Variants in PRDM6 observed in about 807,000 individuals in gnomAD.
PRDM6 encodes the protein PR/SET domain 6.
In PRDM6, 25 loss-of-function variants were observed where a neutral mutation model predicts 60.8. That is an observed-to-expected ratio of 0.41 (90% CI 0.30 to 0.57). The LOEUF (loss-of-function observed/expected upper bound fraction) is 0.57. Ranked by LOEUF, PRDM6 falls within the 20% of genes least tolerant of loss-of-function variation. The pLI, the probability that PRDM6 is intolerant of heterozygous loss-of-function variation, is 0.27. For missense variants in PRDM6, 839 were observed against 821.3 expected (o/e 1.02, Z -0.26); for synonymous variants, 407 against 357.4 (o/e 1.14, Z -1.57).
At chr5:123,155,694 A>G (rs1765478483) in intron 3 of PRDM6, among the ~76,000 whole-genome samples, 190 bp from the exon 4 acceptor site, 1 of 152,244 alleles carries the variant, frequency 6.6e-6, no homozygotes, top group African/African-American at 2.4e-5. Context: ...TAAGAAAAAC[A>G]TGATCGACTT....
intron 7 of PRDM6, among the ~76,000 whole-genome samples, chr5:123,184,160 A>G (rs1246133703): frequency 6.6e-6 from 1 of 152,208 alleles, no homozygotes. Flanking sequence ...AATTTGGTTC[A>G]ATTCAAAAAG....
At chr5:123,110,294 A>G (rs1300383386) in intron 3 of PRDM6, among the ~76,000 whole-genome samples, 2 of 117,386 alleles carry the variant, frequency 1.7e-5, no homozygotes, top group Admixed American at 1.0e-4. Context: ...TTTTTTTGAG[A>G]TGGAGTCTTG....
chr5:123,145,307 C>T (rs1765215598), intron 3 of PRDM6, among the ~76,000 whole-genome samples: 1 of 152,160 alleles, frequency 6.6e-6, no homozygotes, highest in Non-Finnish European at 1.5e-5. Context: ...TTTTACATGT[C>T]TCTCACCTAT....
intron 2 of PRDM6, among the ~76,000 whole-genome samples, chr5:123,097,953 C>A (rs1234194441): frequency 6.6e-6 from 1 of 152,230 alleles, no homozygotes; most frequent in Non-Finnish European, 1.5e-5. Context: ...TAGCTGCTGA[C>A]TGAGGCAAAG....
chr5:123,186,966 T>C, intron 7 of PRDM6, 121 bp from the exon 8 acceptor site: 1 of 706,440 alleles, frequency 1.4e-6, no homozygotes, highest in Non-Finnish European at 2.4e-6. Flanking sequence ...ATTAAACCTC[T>C]TGAGCTGGTA....
At chr5:123,134,899 A>G (rs554363515) in intron 3 of PRDM6, among the ~76,000 whole-genome samples, 2 of 152,260 alleles carry the variant, frequency 1.3e-5, no homozygotes, top group South Asian at 2.1e-4. Context: ...CAATGCAGGG[A>G]CATTTAACCT....
intron 3 of PRDM6, among the ~76,000 whole-genome samples, chr5:123,112,346 A>G (rs534626773): frequency 6.6e-6 from 1 of 152,324 alleles, no homozygotes; most frequent in East Asian, 1.9e-4. Context: ...GTCCTATATC[A>G]TATGGAGAAC....
rs1164367987 is a variant in PRDM6 at position 123,193,306 on chromosome 5, A to G, written c.*6105A>G. On this transcript the variant is annotated 3_prime_UTR_variant, in exon 8 of 8. Transcript: ENST00000407847. ...AGATATAAACTTTAACAAGCTGGAG[A>G]TCTATTTCTACAGCACAACTCTTTC... is the stretch of plus-strand genomic sequence containing the variant. The G allele has an allele frequency of 1.3e-5, 2 of 152,160 alleles. No individual in the cohort carries two copies. The highest frequency in any genetic ancestry group is 4.8e-5 in the African/African-American group (2 of 41,434). 9.4% of individuals were successfully genotyped at this position (152,160 alleles called of 1,614,324 possible).
intron 3 of PRDM6, among the ~76,000 whole-genome samples, chr5:123,112,773 T>C (rs1764341037): frequency 7.1e-6 from 1 of 140,106 alleles, no homozygotes; most frequent in Non-Finnish European, 1.5e-5. Flanking sequence ...TTAGAGTTAC[T>C]CTAATGGCTC....
chr5:123,106,410 A>G (rs1346028887), intron 3 of PRDM6, among the ~76,000 whole-genome samples: 1 of 152,012 alleles, frequency 6.6e-6, no homozygotes, highest in Non-Finnish European at 1.5e-5. Flanking sequence ...GGGCCTCCTG[A>G]CTCTGAGGCT....
In PRDM6 at chr5:123,155,954, G is replaced by C; in HGVS notation, c.971G>C (p.Arg324Thr). 1 of 1,551,676 alleles carries C rather than the reference G, an allele frequency of 6.4e-7. No individual in the cohort carries two copies. Among genetic ancestry groups the C allele is most frequent in the Non-Finnish European group, 8.7e-7 (1 of 1,146,896 alleles). Residue 324 changes from arginine (R) to threonine (T), a missense_variant, in exon 4 of 8, where the codon AGG becomes ACG. Transcript: ENST00000407847. ...GGEPSKSSWM[R>T]YIRCARHCGE... Reference sequence around the variant, plus strand: ...GAACCTAGTAAGTCGAGCTGGATGAGGTATATCCGATGTGCAAGGCACTGC... The same window carrying C: ...GAACCTAGTAAGTCGAGCTGGATGACGTATATCCGATGTGCAAGGCACTGC...
At chr5:123,137,112 G>A (rs185845427) in intron 3 of PRDM6, among the ~76,000 whole-genome samples, 5 of 152,338 alleles carry the variant, frequency 3.3e-5, no homozygotes, top group African/African-American at 9.6e-5. Context: ...TCCCTGACAT[G>A]AGGTAAGCAG....
chr5:123,120,562 T>G (rs1301238027), intron 3 of PRDM6, among the ~76,000 whole-genome samples: 7 of 152,160 alleles, frequency 4.6e-5, no homozygotes, highest in African/African-American at 1.7e-4. Flanking sequence ...CAGGAAAAAA[T>G]TTTAAATTCT....
chr5:123,161,177 T>A (rs1765622337), intron 5 of PRDM6, among the ~76,000 whole-genome samples: 1 of 152,206 alleles, frequency 6.6e-6, no homozygotes, highest in Admixed American at 6.5e-5. Flanking sequence ...GCTGTTGTTG[T>A]GGTGTGTGTG....
chr5:123,131,722 G>T (rs1422278), intron 3 of PRDM6, among the ~76,000 whole-genome samples: 25,167 of 152,142 alleles, frequency 0.17, 2,526 homozygotes, highest in East Asian at 0.5. Flanking sequence ...GTAACTTGAG[G>T]CCAAAGGTCA....
intron 3 of PRDM6, among the ~76,000 whole-genome samples, chr5:123,142,877 C>CAAAAAAAAAAAAAAAAAA: frequency 3.7e-4 from 10 of 27,364 alleles, no homozygotes; most frequent in East Asian, 8.3e-4. Flanking sequence ...CAGTGAAGAC[C>CAAAAAAAAAAAAAAAAAA]AAAAAAAAAA....
chr5:123,192,951 AC>A lies in PRDM6; in HGVS notation c.*5751del, dbSNP rs1766459599. ...TGTCAAAGGCACAGATAGTGTAGTT[AC>A]ATGCATGAGGTACTCAAGGAACCAG... is the stretch of plus-strand genomic sequence containing the variant. On this transcript the variant is annotated 3_prime_UTR_variant, in exon 8 of 8. Transcript: ENST00000407847. 1 of 152,194 alleles carries A rather than the reference AC, an allele frequency of 6.6e-6. No individual in the cohort carries two copies. The highest frequency in any genetic ancestry group is 1.5e-5 in the Non-Finnish European group (1 of 68,040). The allele number at this position is 152,194 out of a possible 1,614,324, so 9.4% of individuals were successfully genotyped here.
chr5:123,129,256 T>G (rs1415980540), intron 3 of PRDM6, among the ~76,000 whole-genome samples: 1 of 152,232 alleles, frequency 6.6e-6, no homozygotes, highest in Non-Finnish European at 1.5e-5. Flanking sequence ...GGCTCTTTTT[T>G]GCTTCCATAT....
At position 123,090,307 on chromosome 5, in the gene PRDM6, C is replaced by T; in HGVS notation, c.293C>T (p.Ala98Val). The stretch of plus-strand genomic sequence containing the variant: ...GCCTCCTCCGCCTCCTCCTGCGCTG[C>T]TGCGGCCGCTGCCGCCGCGCTGGCT... ...TSASSASSCAAAAAAAALAGL... is the reference protein window; with the variant it reads ...TSASSASSCAVAAAAAALAGL... The change falls in exon 2 of 8, where the codon GCT (alanine) becomes GTT (valine). Residue 98 changes from alanine to valine, a missense_variant. Coordinates refer to ENST00000407847, the MANE Select transcript of PRDM6 (RefSeq NM_001136239.4). 1 of 1,483,484 alleles carries T rather than the reference C, an allele frequency of 6.7e-7. No individual in the cohort carries two copies. The highest frequency in any genetic ancestry group is 1.3e-5 in the South Asian group (1 of 78,656). The allele number at this position is 1,483,484 out of a possible 1,614,324, so 91.9% of individuals were successfully genotyped here. A position where few individuals can be genotyped will look rare whatever the true frequency, so the allele number is the denominator to read the frequency against.
Sources: gnomAD v4.1 joint callset for allele counts (sites outside exome capture counted in the v4.1 genomes callset) on GRCh38, gnomAD v4.1.1 for gene constraint, MANE v1.5 for transcripts, NCBI Gene and HGNC (gene_info 2026-07-23, HGNC 2026-07-21) for gene names.